Variants in WDR19 observed in about 807,000 individuals in gnomAD.
WDR19 encodes WD repeat domain 19, also known as WD repeat-containing protein 19.
WDR19 carries 121 observed loss-of-function variants against 180.0 expected under a neutral mutation model. The ratio of observed to expected loss-of-function variants is 0.67; its 90% CI spans 0.58 to 0.78. The LOEUF is 0.78. Ranked by LOEUF, WDR19 falls within the 30% of genes least tolerant of loss-of-function variation. WDR19 has a pLI of 0.00. For missense variants in WDR19, 1,450 were observed against 1,640.7 expected, an observed-to-expected ratio of 0.88 and a Z score of 2.01; for synonymous variants, 497 against 540.7, an observed-to-expected ratio of 0.92 and a Z score of 1.12.
At chr4:39,201,959 C>CA (rs1560486746) in intron 6 of WDR19, among the ~76,000 whole-genome samples, 1 of 152,070 alleles carries the variant, frequency 6.6e-6, no homozygotes, top group East Asian at 1.9e-4. Context: ...ATTGTTTTAA[C>CA]TTTGGCATTC....
chr4:39,278,073 T>G lies in WDR19; in HGVS notation c.3841-58T>G, dbSNP rs568662160. 140 of 1,401,772 alleles carry G rather than the reference T, an allele frequency of 1.0e-4. No homozygotes were observed. In the East Asian group the frequency reaches 3.4e-3, roughly 34 times the overall value. 86.8% of individuals were successfully genotyped at this position (1,401,772 alleles called of 1,614,324 possible). On this transcript the variant is annotated intron_variant, in intron 34 of 36. Coordinates refer to ENST00000399820, the MANE Select transcript of WDR19 (RefSeq NM_025132.4). ...CGTCAAAAAAAAAAAAAAAATTGAC[T>G]AACAGTGGGAGTTTTTAAAATAAAG... is the stretch of plus-strand genomic sequence containing the variant.
At chr4:39,230,082 T>C (rs1730684170) in intron 17 of WDR19, among the ~76,000 whole-genome samples, 1 of 152,192 alleles carries the variant, frequency 6.6e-6, no homozygotes, top group South Asian at 2.1e-4. Flanking sequence ...GATTTGATCC[T>C]CTTATTTCCC....
At chr4:39,212,975 A>G (rs1176398102) in intron 9 of WDR19, among the ~76,000 whole-genome samples, 2 of 152,252 alleles carry the variant, frequency 1.3e-5, no homozygotes, top group African/African-American at 2.4e-5. Flanking sequence ...TAACAAATAC[A>G]TGAAAAGATA....
intron 9 of WDR19, among the ~76,000 whole-genome samples, chr4:39,213,263 A>C (rs750682607): frequency 9.2e-5 from 14 of 152,238 alleles, no homozygotes; most frequent in Non-Finnish European, 1.9e-4. Context: ...GAACACCTAC[A>C]TTCAGATAAA....
In WDR19 at chr4:39,241,837, T is replaced by C. The variant is rs1010391627; in HGVS notation, c.2421+1503T>C. Among the ~76,000 whole-genome samples the C allele has an allele frequency of 5.4e-4, 81 of 150,314 alleles. 1 individual carries two copies. The highest frequency in any genetic ancestry group is 2.4e-4 in the Non-Finnish European group (16 of 67,638). On this transcript the variant is annotated intron_variant, in intron 21 of 36. Transcript: ENST00000399820. ...AAGAAAGAAAGAAAAGTGAGTCCAA[T>C]ATTCTCTCCTCCATCCACACCCCTT...
chr4:39,258,399 C>T (rs535228118), intron 28 of WDR19, among the ~76,000 whole-genome samples: 12 of 152,060 alleles, frequency 7.9e-5, no homozygotes, highest in South Asian at 2.1e-4. Context: ...GATCTGCCCA[C>T]GTCAGCCTCC....
At chr4:39,257,588 C>G in intron 28 of WDR19, 34 bp downstream of exon 28, 1 of 1,536,228 alleles carries the variant, frequency 6.5e-7, no homozygotes, top group Non-Finnish European at 8.8e-7. Context: ...TTCAATAATG[C>G]CAATTTTTTA....
chr4:39,285,789 T>C lies in WDR19; in HGVS notation c.*316T>C, dbSNP rs562405760. On this transcript the variant is annotated 3_prime_UTR_variant, in exon 37 of 37. Transcript: ENST00000399820. ...CTAACTTTTGTATTTTGAAAAACTT[T>C]AAAATAAAATTGTTGACTAGATATC... 3.9e-5 allele frequency: 6 copies of C among 152,342 alleles called. No individual in the cohort carries two copies. Among genetic ancestry groups the C allele is most frequent in the African/African-American group, 1.2e-4 (5 of 41,574 alleles). 9.4% of individuals were successfully genotyped at this position (152,342 alleles called of 1,614,324 possible).
intron 4 of WDR19, among the ~76,000 whole-genome samples, chr4:39,193,952 A>G (rs1030563526): frequency 1.3e-5 from 2 of 152,238 alleles, no homozygotes; most frequent in Non-Finnish European, 2.9e-5. Flanking sequence ...TTCTCAATAT[A>G]TGGAAAGAGG....
intron 3 of WDR19, among the ~76,000 whole-genome samples, chr4:39,187,296 T>C (rs1376075562): frequency 2.0e-5 from 3 of 152,026 alleles, no homozygotes; most frequent in African/African-American, 7.3e-5. Context: ...GGCATGCGCC[T>C]GTAGTCCCAG....
chr4:39,221,076 G>A (rs1242591880), intron 14 of WDR19, among the ~76,000 whole-genome samples: 1 of 151,728 alleles, frequency 6.6e-6, no homozygotes, highest in Non-Finnish European at 1.5e-5. Context: ...TGCCATCTGA[G>A]AGACTTTTTA....
intron 8 of WDR19, 75 bp downstream of exon 8, chr4:39,205,341 T>TATTCA (rs1198117784): frequency 4.4e-6 from 6 of 1,348,904 alleles, no homozygotes; most frequent in African/African-American, 4.4e-5. Flanking sequence ...TTACTAATTG[T>TATTCA]ATTCAATTTT....
At chr4:39,248,379 T>A (rs1487779271) in intron 24 of WDR19, among the ~76,000 whole-genome samples, 1 of 152,176 alleles carries the variant, frequency 6.6e-6, no homozygotes, top group African/African-American at 2.4e-5. Flanking sequence ...GAAGAACCGG[T>A]ACCAGCCACT....
intron 6 of WDR19, among the ~76,000 whole-genome samples, chr4:39,200,816 C>T (rs1727290051): frequency 6.6e-6 from 1 of 152,174 alleles, no homozygotes; most frequent in African/African-American, 2.4e-5. Flanking sequence ...ATCTTACAGG[C>T]TGCTGATCGT....
intron 28 of WDR19, among the ~76,000 whole-genome samples, 187 bp downstream of exon 28, chr4:39,257,741 G>A (rs1280595531): frequency 6.6e-6 from 1 of 150,872 alleles, no homozygotes; most frequent in Non-Finnish European, 1.5e-5. Context: ...CTCTTTCCCC[G>A]GTTTTTTTTT....
In WDR19 at chr4:39,205,829, C is replaced by T; in HGVS notation, c.890+93C>T. On this transcript the variant is annotated intron_variant, in intron 9 of 36. Coordinates refer to ENST00000399820, the MANE Select transcript of WDR19 (RefSeq NM_025132.4). ...TGTTAGCTAATATGAATCTGGCAAT[C>T]ATGTTTACAATTTAAAACGTCTAAG... 5 of 1,206,666 alleles carry T rather than the reference C, an allele frequency of 4.1e-6. No individual in the cohort carries two copies. The South Asian group carries it at 9.1e-5, about 22-fold the overall frequency. The allele number at this position is 1,206,666 out of a possible 1,614,324, so 74.7% of individuals were successfully genotyped here.
chr4:39,246,335 C>T (rs1452981347), intron 24 of WDR19, among the ~76,000 whole-genome samples: 1 of 152,092 alleles, frequency 6.6e-6, no homozygotes, highest in African/African-American at 2.4e-5. Flanking sequence ...GAGAGAGCCT[C>T]TCTCTATAAC....
intron 28 of WDR19, among the ~76,000 whole-genome samples, chr4:39,261,287 C>T (rs1277817054): frequency 3.3e-5 from 5 of 152,038 alleles, no homozygotes; most frequent in Non-Finnish European, 7.4e-5. Context: ...CCACCGCGCC[C>T]GGCCTGGTCT....
chr4:39,197,663 A>T (rs930761056), intron 5 of WDR19, among the ~76,000 whole-genome samples: 11 of 152,078 alleles, frequency 7.2e-5, no homozygotes, highest in East Asian at 1.9e-4. Context: ...TGAAAAAAAA[A>T]ATATATAGTT....
Sources: allele counts gnomAD v4.1 joint callset (sites outside exome capture counted in the v4.1 genomes callset), GRCh38; gene constraint gnomAD v4.1.1; transcripts MANE v1.5; gene names NCBI Gene and HGNC (gene_info 2026-07-23, HGNC 2026-07-21).